The following CSMD1 variants were observed in gnomAD, a reference collection of about 807,000 sequenced individuals.
CSMD1 encodes CUB and Sushi multiple domains 1.
Under a neutral mutation model 417.5 loss-of-function variants are expected in CSMD1, and 213 were observed. The ratio of observed to expected loss-of-function variants is 0.51; its 90% CI spans 0.46 to 0.57. The LOEUF (loss-of-function observed/expected upper bound fraction) is 0.57, where lower values mean the gene tolerates loss of function less well. Among genes scored for constraint, CSMD1 ranks in the 20% least tolerant of loss-of-function variants. The pLI is 0.00. For missense variants in CSMD1, 6,923 were observed against 4,529.7 expected (o/e 1.53, Z -15.17); for synonymous variants, 2,862 against 1,736.8 (o/e 1.65, Z -16.11).
intron 8 of CSMD1, among the ~76,000 whole-genome samples, chr8:3,609,324 A>G (rs564646338): frequency 1.3e-5 from 2 of 152,340 alleles, no homozygotes; most frequent in South Asian, 4.1e-4. Flanking sequence ...GTATTTGAAT[A>G]CTTCCATCAA....
chr8:3,283,513 A>T (rs769990488), intron 26 of CSMD1, among the ~76,000 whole-genome samples: 1 of 149,672 alleles, frequency 6.7e-6, no homozygotes, highest in Admixed American at 6.6e-5. Flanking sequence ...CCTAAAACAA[A>T]ATTTTCCTTT....
At chr8:4,908,091 C>T (rs868074661) in intron 1 of CSMD1, among the ~76,000 whole-genome samples, 1 of 152,106 alleles carries the variant, frequency 6.6e-6, no homozygotes, top group Non-Finnish European at 1.5e-5. Flanking sequence ...CCATGGAAGT[C>T]GTCTATGTCC....
intron 5 of CSMD1, among the ~76,000 whole-genome samples, chr8:3,980,501 C>T (rs1477542363): frequency 1.3e-5 from 2 of 151,974 alleles, no homozygotes; most frequent in East Asian, 3.9e-4. Flanking sequence ...CTCTGCTCGT[C>T]TCTGCTTCTA....
intron 33 of CSMD1, among the ~76,000 whole-genome samples, chr8:3,194,585 G>A (rs1796599731): frequency 6.6e-6 from 1 of 151,586 alleles, no homozygotes; most frequent in Non-Finnish European, 1.5e-5. Flanking sequence ...AGCCTCTCAA[G>A]AAGCTGAGAC....
chr8:4,145,717 A>T (rs540705598), intron 3 of CSMD1, among the ~76,000 whole-genome samples: 1 of 151,012 alleles, frequency 6.6e-6, no homozygotes. Context: ...TGAAGAACAT[A>T]TATTTGACTT....
chr8:3,886,180 G>C (rs371864649), intron 5 of CSMD1, among the ~76,000 whole-genome samples: 2 of 152,080 alleles, frequency 1.3e-5, no homozygotes, highest in Admixed American at 6.6e-5. Flanking sequence ...CTCTTGAGTA[G>C]GTGGGATTAC....
At position 4,208,836 on chromosome 8, in the gene CSMD1, G is replaced by T. The variant is rs954378804; in HGVS notation, c.416-176737C>A. ...TTTACAGTTGTTTAATATCTGGTTG[G>T]AAAATTGAGGTAGCAATAAGTATCC... On this transcript the variant is annotated intron_variant, in intron 3 of 69. Transcript: ENST00000635120. Among the ~76,000 whole-genome samples, 3 of 152,150 alleles carry T rather than the reference G, an allele frequency of 2.0e-5. No individual in the cohort carries two copies. The South Asian group carries it at 6.2e-4, about 31-fold the overall frequency.
At chr8:4,214,359 G>A (rs187960459) in intron 3 of CSMD1, among the ~76,000 whole-genome samples, 31 of 152,294 alleles carry the variant, frequency 2.0e-4, no homozygotes, top group Admixed American at 1.7e-3. Flanking sequence ...GTGCAGTGGT[G>A]CGATCTTGGC....
At chr8:3,771,286 C>A (rs961013089) in intron 5 of CSMD1, among the ~76,000 whole-genome samples, 2 of 152,124 alleles carry the variant, frequency 1.3e-5, no homozygotes, top group Admixed American at 6.6e-5. Context: ...AGAGGCTGCA[C>A]CTGCTGGTGC....
At chr8:4,198,241 T>G (rs1799450811) in intron 3 of CSMD1, among the ~76,000 whole-genome samples, 1 of 152,172 alleles carries the variant, frequency 6.6e-6, no homozygotes, top group Admixed American at 6.5e-5. Flanking sequence ...CACATCCCAT[T>G]AAGTTATCCT....
chr8:3,108,560 A>G, intron 44 of CSMD1, 43 bp downstream of exon 44: 1 of 1,603,176 alleles, frequency 6.2e-7, no homozygotes, highest in Non-Finnish European at 8.5e-7. Flanking sequence ...GAAACACCAC[A>G]TGGAATTCTC....
chr8:4,130,295 A>G (rs891107549), intron 3 of CSMD1, among the ~76,000 whole-genome samples: 2 of 152,136 alleles, frequency 1.3e-5, no homozygotes, highest in African/African-American at 4.8e-5. Context: ...TAACATCTTT[A>G]TTCTGGTATA....
At chr8:4,637,284 T>C (rs1802878957) in intron 2 of CSMD1, 58 bp downstream of exon 2, 7 of 1,377,114 alleles carry the variant, frequency 5.1e-6, no homozygotes, top group African/African-American at 1.4e-5. Context: ...TCCAACTAGA[T>C]TTCATAATCT....
intron 3 of CSMD1, among the ~76,000 whole-genome samples, chr8:4,158,033 T>A (rs1469260960): frequency 6.6e-6 from 1 of 151,714 alleles, no homozygotes; most frequent in East Asian, 1.9e-4. Context: ...AACCAATGCC[T>A]GCTCAAAGCT....
At chr8:4,274,417 G>A (rs1255738407) in intron 3 of CSMD1, among the ~76,000 whole-genome samples, 1 of 152,068 alleles carries the variant, frequency 6.6e-6, no homozygotes, top group African/African-American at 2.4e-5. Flanking sequence ...AAATGTCTCT[G>A]GTGCCCAAGA....
Position 2,938,434 on chromosome 8 carries a change from G to C in CSMD1, c.*151C>G, listed in dbSNP as rs1478836341. The C allele has an allele frequency of 5.7e-6, 4 of 699,690 alleles. No individual in the cohort carries two copies. The highest frequency in any genetic ancestry group is 2.8e-5 in the East Asian group (1 of 35,590). The allele number at this position is 699,690 out of a possible 1,614,324, so 43.3% of individuals were successfully genotyped here. ...TAGAAGACCCTGACACATTTGAGTAGAGATCCCCGCTGCACTTATGCCAGT... is the reference window on the plus strand; with the variant it reads ...TAGAAGACCCTGACACATTTGAGTACAGATCCCCGCTGCACTTATGCCAGT... On this transcript the variant is annotated 3_prime_UTR_variant, in exon 70 of 70. Coordinates refer to ENST00000635120, the MANE Select transcript of CSMD1 (RefSeq NM_033225.6).
intron 5 of CSMD1, among the ~76,000 whole-genome samples, chr8:3,871,333 A>C (rs1053616272): frequency 6.6e-6 from 1 of 152,246 alleles, no homozygotes; most frequent in South Asian, 2.1e-4. Context: ...ACAACATCAT[A>C]GTTGATATTG....
chr8:3,788,677 C>G (rs1243926962), intron 5 of CSMD1, among the ~76,000 whole-genome samples: 1 of 152,144 alleles, frequency 6.6e-6, no homozygotes, highest in African/African-American at 2.4e-5. Flanking sequence ...ATGTAAGTAC[C>G]TCTCCATCTA....
chr8:4,574,805 T>C (rs1799061713), intron 2 of CSMD1, among the ~76,000 whole-genome samples: 1 of 152,232 alleles, frequency 6.6e-6, no homozygotes, highest in Non-Finnish European at 1.5e-5. Context: ...TGCCATCCAA[T>C]ATCAAAACAA....
Sources: allele counts gnomAD v4.1 joint callset (sites outside exome capture counted in the v4.1 genomes callset), GRCh38; gene constraint gnomAD v4.1.1; transcripts MANE v1.5; gene names NCBI Gene and HGNC (gene_info 2026-07-23, HGNC 2026-07-21).